STMN2: variants seen among roughly 807,000 people sequenced by gnomAD.
STMN2 encodes stathmin-2.
A neutral mutation model predicts 24.1 loss-of-function variants in STMN2; 2 were observed. That is an observed-to-expected ratio of 0.08 (90% CI 0.03 to 0.26). The LOEUF (loss-of-function observed/expected upper bound fraction) is 0.26, where lower values mean the gene tolerates loss of function less well. Ranked by LOEUF, STMN2 falls within the 10% of genes least tolerant of loss-of-function variation. STMN2 has a pLI of 1.00. For missense variants in STMN2, 114 were observed against 213.6 expected (o/e 0.53, Z 2.91); for synonymous variants, 83 against 77.5 (o/e 1.07, Z -0.37).
intron 3 of STMN2, among the ~76,000 whole-genome samples, chr8:79,649,237 A>G (rs1810282840): frequency 6.6e-6 from 1 of 152,030 alleles, no homozygotes; most frequent in Admixed American, 6.6e-5. Flanking sequence ...GACATTCAGG[A>G]AACATTCTGC....
chr8:79,612,785 C>G (rs1380392092), intron 1 of STMN2, among the ~76,000 whole-genome samples: 1 of 152,238 alleles, frequency 6.6e-6, no homozygotes, highest in African/African-American at 2.4e-5. Flanking sequence ...CTGCCCTACC[C>G]TCCCCGCGGA....
chr8:79,611,418 T>C (rs1205373041), intron 1 of STMN2, among the ~76,000 whole-genome samples: 1 of 152,202 alleles, frequency 6.6e-6, no homozygotes, highest in East Asian at 1.9e-4. Flanking sequence ...GAATTTCTTT[T>C]AAAAGGTAGA....
intron 1 of STMN2, among the ~76,000 whole-genome samples, chr8:79,615,555 A>T (rs1467985256): frequency 6.6e-6 from 1 of 152,222 alleles, no homozygotes; most frequent in Non-Finnish European, 1.5e-5. Context: ...TTCAGAACCT[A>T]GACTGGTTCT....
intron 3 of STMN2, among the ~76,000 whole-genome samples, chr8:79,651,554 C>G (rs1810334025): frequency 6.6e-6 from 1 of 152,202 alleles, no homozygotes; most frequent in African/African-American, 2.4e-5. Context: ...ATTTCAAAGC[C>G]TTCCCGTCTG....
At chr8:79,662,952 A>G (rs1350287144) in intron 4 of STMN2, among the ~76,000 whole-genome samples, 6 of 152,164 alleles carry the variant, frequency 3.9e-5, no homozygotes, top group African/African-American at 1.4e-4. Context: ...TAATAGCAGA[A>G]CAAAAAGAAG....
chr8:79,632,692 T>G (rs1345783549), intron 1 of STMN2, among the ~76,000 whole-genome samples: 1 of 152,222 alleles, frequency 6.6e-6, no homozygotes, highest in African/African-American at 2.4e-5. Flanking sequence ...CTTTACTATC[T>G]TTTATATGTG....
chr8:79,633,171 G>C (rs1248818723), intron 1 of STMN2, among the ~76,000 whole-genome samples: 2 of 152,182 alleles, frequency 1.3e-5, no homozygotes, highest in African/African-American at 2.4e-5. Context: ...TTCTTCACAG[G>C]AGAGTGTGCC....
intron 2 of STMN2, among the ~76,000 whole-genome samples, chr8:79,637,337 G>A (rs866000713): frequency 1.3e-5 from 2 of 152,084 alleles, no homozygotes; most frequent in Middle Eastern, 3.2e-3. Flanking sequence ...GTATATACAT[G>A]TCAACCAGCT....
intron 3 of STMN2, among the ~76,000 whole-genome samples, chr8:79,642,402 C>CA (rs1810119586): frequency 6.6e-6 from 1 of 152,158 alleles, no homozygotes; most frequent in Non-Finnish European, 1.5e-5. Flanking sequence ...TCAAGGTACT[C>CA]ACGATCATCC....
At chr8:79,627,770 C>T (rs1010099690) in intron 1 of STMN2, among the ~76,000 whole-genome samples, 2 of 152,160 alleles carry the variant, frequency 1.3e-5, no homozygotes, top group African/African-American at 2.4e-5. Context: ...CAATATCTCT[C>T]CATTCTCCCA....
At chr8:79,614,528 T>G (rs1328891228) in intron 1 of STMN2, among the ~76,000 whole-genome samples, 1 of 152,242 alleles carries the variant, frequency 6.6e-6, no homozygotes, top group Non-Finnish European at 1.5e-5. Context: ...CAATAAACAC[T>G]CTCTGTCCCA....
At chr8:79,617,249 G>A (rs1809404833) in intron 1 of STMN2, among the ~76,000 whole-genome samples, 1 of 152,154 alleles carries the variant, frequency 6.6e-6, no homozygotes, top group African/African-American at 2.4e-5. Context: ...TCAGAAAGAG[G>A]ATCTTCAAGG....
chr8:79,658,249 C>G (rs935337592), intron 4 of STMN2, among the ~76,000 whole-genome samples: 1 of 152,032 alleles, frequency 6.6e-6, no homozygotes, highest in African/African-American at 2.4e-5. Flanking sequence ...GCACTCCAAC[C>G]TGGGAAATAT....
chr8:79,658,430 C>G (rs986012282), intron 4 of STMN2, among the ~76,000 whole-genome samples: 1 of 152,130 alleles, frequency 6.6e-6, no homozygotes, highest in Non-Finnish European at 1.5e-5. Flanking sequence ...TCATTACCAA[C>G]CATGTCTTTC....
At chr8:79,624,182 T>C (rs903199689) in intron 1 of STMN2, among the ~76,000 whole-genome samples, 74 of 151,714 alleles carry the variant, frequency 4.9e-4, no homozygotes, top group African/African-American at 8.7e-4. Context: ...AGGCTGGGCG[T>C]GGTGGCTCAC....
At chr8:79,612,197 G>C (rs1460508665) in intron 1 of STMN2, among the ~76,000 whole-genome samples, 1 of 151,544 alleles carries the variant, frequency 6.6e-6, no homozygotes, top group Non-Finnish European at 1.5e-5. Flanking sequence ...CCGACTCCCC[G>C]CCGCGGCTTC....
chr8:79,648,862 G>A (rs556526275), intron 3 of STMN2, among the ~76,000 whole-genome samples: 1 of 152,220 alleles, frequency 6.6e-6, no homozygotes, highest in South Asian at 2.1e-4. Context: ...CCAACTAAAA[G>A]TGTCCTGAAA....
Position 79,644,430 on chromosome 8 carries a change from T to A in STMN2, c.288+2880T>A, listed in dbSNP as rs150361558. On this transcript the variant is annotated intron_variant, in intron 3 of 4. Transcript: ENST00000220876. ...ACAGAGCTTCTTTTTCCCAATAGTT[T>A]AACAAAAGTCCCGAAATTGAGTCTC... Among the ~76,000 whole-genome samples the A allele has an allele frequency of 1.8e-3, 277 of 152,338 alleles. 3 individuals are homozygous for A. Among genetic ancestry groups the A allele is most frequent in the African/African-American group, 6.3e-3 (262 of 41,576 alleles).
chr8:79,638,134 G>A (rs1221777415), intron 2 of STMN2, among the ~76,000 whole-genome samples: 3 of 152,196 alleles, frequency 2.0e-5, no homozygotes, highest in Non-Finnish European at 4.4e-5. Flanking sequence ...TGTTTCTTAT[G>A]AGACTAATGT....
Sources: gnomAD v4.1 joint callset for allele counts (sites outside exome capture counted in the v4.1 genomes callset) on GRCh38, gnomAD v4.1.1 for gene constraint, MANE v1.5 for transcripts, NCBI Gene and HGNC (gene_info 2026-07-23, HGNC 2026-07-21) for gene names.